DTNA: variants seen among roughly 807,000 people sequenced by gnomAD.
DTNA encodes dystrobrevin alpha.
DTNA carries 43 observed loss-of-function variants against 100.7 expected under a neutral mutation model. The ratio of observed to expected loss-of-function variants is 0.43; its 90% confidence interval spans 0.33 to 0.55. The LOEUF is 0.55. DTNA is among the 20% of genes least tolerant of loss of function. DTNA has a pLI of 0.04. For missense variants in DTNA, 798 were observed against 953.9 expected (o/e 0.84, Z 2.15); for synonymous variants, 349 against 347.9 (o/e 1.00, Z -0.04).
chr18:34,853,676 A>T (rs906307676), intron 15 of DTNA, among the ~76,000 whole-genome samples: 16 of 152,088 alleles, frequency 1.1e-4, no homozygotes, highest in African/African-American at 3.4e-4. Context: ...AAATAAAATT[A>T]AAAAAAAGTT....
At chr18:34,592,396 A>G (rs1021086969) in intron 1 of DTNA, among the ~76,000 whole-genome samples, 1 of 151,630 alleles carries the variant, frequency 6.6e-6, no homozygotes, top group Non-Finnish European at 1.5e-5. Context: ...GTCAGTCTCT[A>G]TTTGATGAAA....
intron 4 of DTNA, among the ~76,000 whole-genome samples, chr18:34,796,405 T>G (rs1398783896): frequency 6.6e-6 from 1 of 152,210 alleles, no homozygotes; most frequent in African/African-American, 2.4e-5. Context: ...TTTATCCAAA[T>G]GAGACCCAGC....
intron 1 of DTNA, among the ~76,000 whole-genome samples, chr18:34,684,148 G>T (rs1443384553): frequency 2.6e-5 from 4 of 151,946 alleles, no homozygotes; most frequent in South Asian, 2.1e-4. Context: ...TGTGATGGGA[G>T]ATTTTTATGT....
chr18:34,830,152 A>G (rs1255532835), intron 11 of DTNA, among the ~76,000 whole-genome samples: 6 of 152,200 alleles, frequency 3.9e-5, no homozygotes, highest in East Asian at 1.9e-4. Flanking sequence ...CTATACTTCT[A>G]TCATTGAAAC....
In DTNA at chr18:34,888,244, A is replaced by C. The variant is rs2096939924; in HGVS notation, c.*510A>C. 2.0e-6 allele frequency: 2 copies of C among 985,762 alleles called. No homozygotes were observed. Among genetic ancestry groups the C allele is most frequent in the Admixed American group, 1.2e-4 (2 of 16,272 alleles). The allele number at this position is 985,762 out of a possible 1,614,324, so 61.1% of individuals were successfully genotyped here. On this transcript the variant is annotated 3_prime_UTR_variant, in exon 23 of 23. Coordinates refer to ENST00000444659, the MANE Select transcript of DTNA (RefSeq NM_001386795.1). The stretch of plus-strand genomic sequence containing the variant: ...TCTGAATTCTTTGAGATTTTAGCAA[A>C]ACAGTTTATTATACACTGTACATTT...
At chr18:34,511,701 C>T (rs1320676614) in intron 1 of DTNA, among the ~76,000 whole-genome samples, 1 of 151,978 alleles carries the variant, frequency 6.6e-6, no homozygotes, top group African/African-American at 2.4e-5. Flanking sequence ...CTTAACCTCT[C>T]CAGAACTGTG....
intron 1 of DTNA, among the ~76,000 whole-genome samples, chr18:34,626,170 A>G (rs1413127124): frequency 6.6e-6 from 1 of 152,214 alleles, no homozygotes; most frequent in East Asian, 1.9e-4. Context: ...AATGAATGTT[A>G]TTATTACATC....
intron 1 of DTNA, among the ~76,000 whole-genome samples, chr18:34,752,585 T>G (rs1184895583): frequency 6.6e-6 from 1 of 152,228 alleles, no homozygotes; most frequent in Non-Finnish European, 1.5e-5. Context: ...AGGTGAGTAT[T>G]CTCAATTTTA....
intron 1 of DTNA, among the ~76,000 whole-genome samples, chr18:34,631,579 T>A (rs2148121167): frequency 6.6e-6 from 1 of 152,308 alleles, no homozygotes; most frequent in East Asian, 1.9e-4. Context: ...AGAAGCAAAG[T>A]GATTAAAAGA....
intron 9 of DTNA, among the ~76,000 whole-genome samples, chr18:34,825,001 A>G (rs1452880516): frequency 1.3e-5 from 2 of 151,986 alleles, no homozygotes; most frequent in Admixed American, 6.6e-5. Context: ...ATACACACAC[A>G]TATACACACA....
upstream of DTNA, among the ~76,000 whole-genome samples, chr18:34,707,510 A>G (rs2082267493): frequency 1.3e-5 from 2 of 152,144 alleles, no homozygotes; most frequent in Non-Finnish European, 2.9e-5. Flanking sequence ...CTGACAAAGG[A>G]TGCACCTTCT....
chr18:34,867,562 C>T, intron 17 of DTNA: 1 of 1,105,420 alleles, frequency 9.0e-7, no homozygotes, highest in East Asian at 5.2e-5. Context: ...TCTCCTGTCT[C>T]TTATTTAGCA....
At chr18:34,546,946 A>T in intron 1 of DTNA, among the ~76,000 whole-genome samples, 1 of 151,908 alleles carries the variant, frequency 6.6e-6, no homozygotes, top group Middle Eastern at 3.4e-3. Context: ...CCCAACCTCA[A>T]TCCACCCACC....
intron 1 of DTNA, among the ~76,000 whole-genome samples, chr18:34,551,823 T>C (rs1168843172): frequency 1.3e-5 from 2 of 152,194 alleles, no homozygotes; most frequent in African/African-American, 4.8e-5. Flanking sequence ...TCTCTTGCTC[T>C]TAATATACAA....
At chr18:34,863,927 G>A (rs1435103484) in intron 16 of DTNA, 39 bp from the exon 17 acceptor site, 3 of 1,567,206 alleles carry the variant, frequency 1.9e-6, no homozygotes, top group Middle Eastern at 1.7e-4. Context: ...AGCTCAGAGA[G>A]TTGCATGCCG....
At chr18:34,585,449 A>C (rs1410075508) in intron 1 of DTNA, among the ~76,000 whole-genome samples, 1 of 152,238 alleles carries the variant, frequency 6.6e-6, no homozygotes, top group East Asian at 1.9e-4. Flanking sequence ...TGTGGCTTAC[A>C]TGTGGATAAT....
chr18:34,727,159 T>G (rs1304751782), intron 1 of DTNA, among the ~76,000 whole-genome samples: 1 of 152,212 alleles, frequency 6.6e-6, no homozygotes, highest in Non-Finnish European at 1.5e-5. Context: ...AGCAGTTTTC[T>G]GAGGCTTCAC....
intron 1 of DTNA, chr18:34,493,900 C>G (rs1370101056): frequency 6.8e-6 from 1 of 147,790 alleles, no homozygotes; most frequent in Non-Finnish European, 1.5e-5. Flanking sequence ...AAGCATGTGC[C>G]GGGCGCCGCA....
At chr18:34,700,316 C>T (rs535327493) in intron 1 of DTNA, among the ~76,000 whole-genome samples, 1 of 152,126 alleles carries the variant, frequency 6.6e-6, no homozygotes, top group Non-Finnish European at 1.5e-5. Flanking sequence ...AAATTAACCA[C>T]TTCCACAATC....
Sources: allele counts gnomAD v4.1 joint callset (sites outside exome capture counted in the v4.1 genomes callset), GRCh38; gene constraint gnomAD v4.1.1; transcripts MANE v1.5; gene names NCBI Gene and HGNC (gene_info 2026-07-23, HGNC 2026-07-21).